Variants in EAF2 observed in about 807,000 individuals in gnomAD.
EAF2 encodes ELL-associated factor 2.
In EAF2, 29 loss-of-function variants were observed where a neutral mutation model predicts 29.4. The ratio of observed to expected loss-of-function variants is 0.99; its 90% CI spans 0.73 to 1.35. EAF2 has a LOEUF of 1.35. EAF2 is among the 40% of genes most tolerant of loss of function. The pLI is 0.00. For synonymous variants in EAF2, 103 were observed against 102.5 expected, an observed-to-expected ratio of 1.00 and a Z score of -0.03; for missense variants, 292 against 312.0, an observed-to-expected ratio of 0.94 and a Z score of 0.48.
At chr3:121,851,633 T>C (rs184873889) in intron 2 of EAF2, among the ~76,000 whole-genome samples, 1 of 152,352 alleles carries the variant, frequency 6.6e-6, no homozygotes, top group Non-Finnish European at 1.5e-5. Flanking sequence ...GGAGGGTCCA[T>C]GTGCAGGTTT....
At chr3:121,837,140 C>G (rs1708316547) in intron 1 of EAF2, among the ~76,000 whole-genome samples, 1 of 152,114 alleles carries the variant, frequency 6.6e-6, no homozygotes. Context: ...GAAGACAGAA[C>G]TATTAGAAAA....
intron 5 of EAF2, among the ~76,000 whole-genome samples, chr3:121,883,400 A>C (rs916077831): frequency 8.5e-5 from 13 of 152,352 alleles, no homozygotes; most frequent in African/African-American, 3.1e-4. Context: ...GTTTTTAAAA[A>C]ATACAAAACA....
At chr3:121,854,926 T>A in intron 3 of EAF2, 103 bp downstream of exon 3, 1 of 1,130,932 alleles carries the variant, frequency 8.8e-7, no homozygotes, top group Non-Finnish European at 1.2e-6. Context: ...GTTATTTCTG[T>A]GTGGTACAAA....
intron 1 of EAF2, among the ~76,000 whole-genome samples, chr3:121,838,796 A>G (rs747837441): frequency 6.6e-6 from 1 of 152,180 alleles, no homozygotes; most frequent in Non-Finnish European, 1.5e-5. Context: ...AATTTTCATC[A>G]GGTTTTCATA....
At chr3:121,836,143 G>A (rs966876610) in intron 1 of EAF2, 1 of 152,198 alleles carries the variant, frequency 6.6e-6, no homozygotes, top group South Asian at 2.1e-4. Context: ...TAGCATATAA[G>A]TTTTTATGTG....
intron 5 of EAF2, 116 bp downstream of exon 5, chr3:121,872,904 A>T (rs1455922133): frequency 7.3e-7 from 1 of 1,364,064 alleles, no homozygotes; most frequent in Non-Finnish European, 9.9e-7. Context: ...ATTTGATACT[A>T]TTAATAATTA....
chr3:121,869,950 G>T (rs1344784899), intron 4 of EAF2, among the ~76,000 whole-genome samples: 1 of 152,074 alleles, frequency 6.6e-6, no homozygotes. Context: ...TAGAGGAAAT[G>T]GACTAGTTCC....
intron 4 of EAF2, among the ~76,000 whole-genome samples, chr3:121,857,790 T>G (rs1708747524): frequency 6.6e-6 from 1 of 152,128 alleles, no homozygotes; most frequent in South Asian, 2.1e-4. Context: ...ATCATTTACA[T>G]TAGGTATATC....
chr3:121,851,352 T>G (rs1035267106), intron 2 of EAF2, among the ~76,000 whole-genome samples: 7 of 83,126 alleles, frequency 8.4e-5, no homozygotes, highest in South Asian at 5.7e-4. Flanking sequence ...TAATTTTTAG[T>G]TTTTTTTTTG....
At chr3:121,861,062 T>C (rs1421444236) in intron 4 of EAF2, among the ~76,000 whole-genome samples, 3 of 152,244 alleles carry the variant, frequency 2.0e-5, no homozygotes, top group Admixed American at 1.3e-4. Flanking sequence ...TATTCTTTTA[T>C]ATTTGCTGAG....
chr3:121,850,226 C>A (rs1708606489), intron 2 of EAF2, among the ~76,000 whole-genome samples: 2 of 2,068 alleles, frequency 9.7e-4, no homozygotes, highest in Non-Finnish European at 2.2e-3. Flanking sequence ...AATTGATATA[C>A]TTGATTTTTA....
intron 5 of EAF2, among the ~76,000 whole-genome samples, chr3:121,880,455 GGTGTGTGTGT>G (rs58834177): frequency 2.7e-4 from 38 of 143,070 alleles, no homozygotes; most frequent in African/African-American, 4.8e-4. Flanking sequence ...AGTGTTTTGG[GGTGTGTGTGT>G]GTGTGTGTGT....
At chr3:121,845,462 A>AAAAAAGAAC (rs1553726214) in intron 2 of EAF2, among the ~76,000 whole-genome samples, 4 of 140,470 alleles carry the variant, frequency 2.8e-5, no homozygotes, top group Non-Finnish European at 3.1e-5. Flanking sequence ...AAAAAAAAAA[A>AAAAAAGAAC]GAAAGAAAGA....
intron 4 of EAF2, among the ~76,000 whole-genome samples, chr3:121,869,705 C>CA (rs956699675): frequency 2.6e-4 from 38 of 145,426 alleles, no homozygotes; most frequent in Middle Eastern, 3.5e-3. Flanking sequence ...AGAGTCTCTA[C>CA]AAAAAAAAAA....
chr3:121,856,962 G>A (rs745617824), intron 3 of EAF2, 49 bp from the exon 4 acceptor site: 2 of 1,526,278 alleles, frequency 1.3e-6, no homozygotes, highest in Admixed American at 4.3e-5. Context: ...TTAAATTTTT[G>A]TTACATTGCT....
At chr3:121,853,852 T>C (rs12488692) in intron 2 of EAF2, among the ~76,000 whole-genome samples, 15,387 of 152,218 alleles carry the variant, frequency 0.1, 818 homozygotes, top group South Asian at 0.16. Context: ...GATGGCGCAG[T>C]GTACTTTCAT....
Position 121,857,080 on chromosome 3 carries a change from G to C in EAF2, c.408G>C (p.Arg136Ser). ...QQQQQMWNSA[R>S]TPNLVKHSPS... ...AACAACAAATGTGGAATTCAGCCAGGACTCCCAATCTTGTAAAACATTCTC... is the reference window on the plus strand; with the variant it reads ...AACAACAAATGTGGAATTCAGCCAGCACTCCCAATCTTGTAAAACATTCTC... The change falls in exon 4 of 6, where the codon AGG (arginine) becomes AGC (serine). Residue 136 changes from arginine to serine, a missense_variant. Physicochemically the swap from Arg to Ser is moderately radical, Grantham distance 110. Coordinates refer to ENST00000273668, the MANE Select transcript of EAF2 (RefSeq NM_018456.6). The C allele has an allele frequency of 2.5e-6, 4 of 1,613,798 alleles. No individual in the cohort carries two copies. Among genetic ancestry groups the C allele is most frequent in the South Asian group, 1.1e-5 (1 of 91,064 alleles).
chr3:121,847,666 G>A (rs1257621151), intron 2 of EAF2, among the ~76,000 whole-genome samples: 2 of 152,136 alleles, frequency 1.3e-5, no homozygotes, highest in South Asian at 2.1e-4. Flanking sequence ...AAGTATGCAA[G>A]GAGAAGGGTT....
chr3:121,855,190 A>G (rs1708698610), intron 3 of EAF2, among the ~76,000 whole-genome samples: 1 of 152,186 alleles, frequency 6.6e-6, no homozygotes, highest in Non-Finnish European at 1.5e-5. Context: ...GTACTAGAAA[A>G]AGGAAAGTTT....
Sources: allele counts gnomAD v4.1 joint callset (sites outside exome capture counted in the v4.1 genomes callset), GRCh38; gene constraint gnomAD v4.1.1; transcripts MANE v1.5; gene names NCBI Gene and HGNC (gene_info 2026-07-23, HGNC 2026-07-21).